The following ZNF385B variants were observed in gnomAD, a reference collection of about 807,000 sequenced individuals.
The protein encoded by ZNF385B is zinc finger protein 533.
A neutral mutation model predicts 39.2 loss-of-function variants in ZNF385B; 23 were observed. That is an observed-to-expected ratio of 0.59 (90% CI 0.42 to 0.83). The LOEUF (loss-of-function observed/expected upper bound fraction) is 0.83. ZNF385B is among the 40% of genes least tolerant of loss of function. The pLI is 0.00. For missense variants in ZNF385B, 552 were observed against 598.9 expected, an observed-to-expected ratio of 0.92 and a Z score of 0.82; for synonymous variants, 205 against 222.6, an observed-to-expected ratio of 0.92 and a Z score of 0.70.
At chr2:179,754,283 C>T (rs1040947569) in intron 3 of ZNF385B, among the ~76,000 whole-genome samples, 1 of 152,044 alleles carries the variant, frequency 6.6e-6, no homozygotes, top group Non-Finnish European at 1.5e-5. Flanking sequence ...GGGATGAAGC[C>T]CAGTTGATCA....
At chr2:179,775,699 C>A (rs1323906224) in intron 1 of ZNF385B, among the ~76,000 whole-genome samples, 4 of 152,160 alleles carry the variant, frequency 2.6e-5, no homozygotes, top group African/African-American at 9.7e-5. Context: ...TTTGGAGGCA[C>A]ACTGCTTCTT....
At chr2:179,702,596 G>A (rs769803751) in intron 3 of ZNF385B, among the ~76,000 whole-genome samples, 5 of 152,188 alleles carry the variant, frequency 3.3e-5, no homozygotes, top group Non-Finnish European at 7.3e-5. Context: ...GGTATTGTAT[G>A]TGATATGCTT....
intron 3 of ZNF385B, among the ~76,000 whole-genome samples, chr2:179,615,406 T>TG (rs912405877): frequency 2.6e-5 from 4 of 152,212 alleles, no homozygotes; most frequent in Non-Finnish European, 5.9e-5. Context: ...TGCATGTTAT[T>TG]GGGCTCCATC....
At chr2:179,774,405 G>A (rs1575466971) in intron 1 of ZNF385B, among the ~76,000 whole-genome samples, 1 of 151,996 alleles carries the variant, frequency 6.6e-6, no homozygotes, top group East Asian at 1.9e-4. Flanking sequence ...CTGTCGCCCA[G>A]GCTGGAGTGT....
At chr2:179,504,250 C>T (rs1297408375) in intron 5 of ZNF385B, among the ~76,000 whole-genome samples, 2 of 151,996 alleles carry the variant, frequency 1.3e-5, no homozygotes, top group Non-Finnish European at 2.9e-5. Flanking sequence ...TGTATATGTG[C>T]CACATTTTCT....
chr2:179,802,159 C>G (rs1360752146), intron 1 of ZNF385B, among the ~76,000 whole-genome samples: 1 of 152,134 alleles, frequency 6.6e-6, no homozygotes, highest in African/African-American at 2.4e-5. Context: ...GGCTGCCATG[C>G]TAACCAGATC....
chr2:179,532,040 C>T (rs1163314554), intron 4 of ZNF385B, among the ~76,000 whole-genome samples: 1 of 152,206 alleles, frequency 6.6e-6, no homozygotes, highest in Non-Finnish European at 1.5e-5. Flanking sequence ...GAGTGCTTCA[C>T]TCTGCTCTGC....
chr2:179,796,064 A>T (rs904537664), intron 1 of ZNF385B: 1 of 152,196 alleles, frequency 6.6e-6, no homozygotes, highest in Non-Finnish European at 1.5e-5. Flanking sequence ...CCACAAAAAA[A>T]GGTGGGGAAA....
At chr2:179,504,039 A>G (rs1168621792) in intron 5 of ZNF385B, among the ~76,000 whole-genome samples, 1 of 117,110 alleles carries the variant, frequency 8.5e-6, no homozygotes, top group Non-Finnish European at 1.7e-5. Flanking sequence ...TCCCCACCCC[A>G]CCACAGTCCC....
At position 179,757,412 on chromosome 2, in the gene ZNF385B, G is replaced by A. The variant is rs1703107533; in HGVS notation, c.298+12091C>T. 2.6e-5 allele frequency among the ~76,000 whole-genome samples: 4 copies of A among 151,804 alleles called. No homozygotes were observed. In the South Asian group the frequency reaches 8.3e-4, roughly 32 times the overall value. On this transcript the variant is annotated intron_variant, in intron 3 of 9. Transcript: ENST00000410066. ...CCCAGTTAGGCTACTCGGGGTCAGG[G>A]ACCCACTTGAGGAGGCAGTCTGCCC... is the stretch of plus-strand genomic sequence containing the variant.
At chr2:179,451,106 G>C (rs185039824) in intron 6 of ZNF385B, among the ~76,000 whole-genome samples, 13 of 119,670 alleles carry the variant, frequency 1.1e-4, no homozygotes, top group Non-Finnish European at 1.5e-4. Context: ...GTTGTGAGGT[G>C]GGGGGAGGGG....
chr2:179,609,857 T>C (rs1352491922), intron 3 of ZNF385B, among the ~76,000 whole-genome samples: 1 of 152,214 alleles, frequency 6.6e-6, no homozygotes, highest in Non-Finnish European at 1.5e-5. Context: ...TTGTGTGCCA[T>C]TTGTATGTCT....
rs760698605 is a variant in ZNF385B, at chr2:179,769,715, C to A, written c.86G>T (p.Gly29Val). 6.2e-7 allele frequency: 1 copy of A among 1,613,982 alleles called. No homozygotes were observed. Among genetic ancestry groups the A allele is most frequent in the East Asian group, 2.2e-5 (1 of 44,884 alleles). Reference sequence around the variant, plus strand: ...GTCCTCAGGCCTGTCGTTCTTTATCCCCTTTTCTTCAAAGCCCCGTAGAAA... The same window carrying A: ...GTCCTCAGGCCTGTCGTTCTTTATCACCTTTTCTTCAAAGCCCCGTAGAAA... Reference protein sequence around the residue: ...ANFLRGFEEKGIKNDRPEDQL... With the variant: ...ANFLRGFEEKVIKNDRPEDQL... Residue 29 changes from glycine (G) to valine (V), a missense_variant, in exon 3 of 10, where the codon GGG becomes GTG. Gly to Val is a moderately radical substitution (Grantham distance 109). Transcript: ENST00000410066.
intron 5 of ZNF385B, among the ~76,000 whole-genome samples, chr2:179,493,004 T>C (rs1376814336): frequency 6.6e-6 from 1 of 152,126 alleles, no homozygotes; most frequent in Non-Finnish European, 1.5e-5. Flanking sequence ...ACTAAAATAA[T>C]AGTATCTATA....
intron 3 of ZNF385B, among the ~76,000 whole-genome samples, chr2:179,641,419 G>A (rs1308881186): frequency 6.6e-6 from 1 of 152,060 alleles, no homozygotes; most frequent in African/African-American, 2.4e-5. Flanking sequence ...ACAGGCTAAG[G>A]TGCATTTACA....
chr2:179,524,532 A>T (rs1393499556), intron 4 of ZNF385B, among the ~76,000 whole-genome samples: 2 of 117,396 alleles, frequency 1.7e-5, no homozygotes, highest in African/African-American at 6.6e-5. Flanking sequence ...AGCCTGGGTG[A>T]CAGAGCGAGA....
intron 3 of ZNF385B, among the ~76,000 whole-genome samples, chr2:179,663,697 G>A (rs1694776282): frequency 8.3e-6 from 1 of 120,602 alleles, no homozygotes; most frequent in Non-Finnish European, 1.6e-5. Context: ...CTGGGCGACA[G>A]AGCGAGACTC....
At chr2:179,445,831 T>C (rs1279283431) in intron 7 of ZNF385B, 103 bp from the exon 8 acceptor site, 2 of 1,153,424 alleles carry the variant, frequency 1.7e-6, no homozygotes, top group African/African-American at 3.2e-5. Context: ...AAATTCCCAA[T>C]GCTTTTTTAA....
At chr2:179,740,874 G>C (rs775833771) in intron 3 of ZNF385B, among the ~76,000 whole-genome samples, 1 of 152,028 alleles carries the variant, frequency 6.6e-6, no homozygotes, top group Non-Finnish European at 1.5e-5. Context: ...AAAATATCTT[G>C]AGAGATTTAA....
Sources: gnomAD v4.1 joint callset for allele counts (sites outside exome capture counted in the v4.1 genomes callset) on GRCh38, gnomAD v4.1.1 for gene constraint, MANE v1.5 for transcripts, NCBI Gene and HGNC (gene_info 2026-07-23, HGNC 2026-07-21) for gene names.